TBC1D5: variants seen among roughly 807,000 people sequenced by gnomAD.
TBC1D5 encodes TBC1 domain family, member 5.
A neutral mutation model predicts 100.3 loss-of-function variants in TBC1D5; 75 were observed. The observed-to-expected ratio is 0.75, with a 90% CI of 0.62 to 0.91. The LOEUF is 0.91. Ranked by LOEUF, TBC1D5 falls within the 40% of genes least tolerant of loss-of-function variation. The probability of loss-of-function intolerance (pLI) is 0.00; values close to 1 mark genes in which losing one functional copy is unlikely to be tolerated. For missense variants in TBC1D5, 910 were observed against 942.4 expected, an observed-to-expected ratio of 0.97 and a Z score of 0.45; for synonymous variants, 323 against 325.6, an observed-to-expected ratio of 0.99 and a Z score of 0.09.
intron 3 of TBC1D5, among the ~76,000 whole-genome samples, chr3:17,483,730 G>A (rs1576285291): frequency 6.6e-6 from 1 of 152,090 alleles, no homozygotes; most frequent in Non-Finnish European, 1.5e-5. Context: ...ATTTTTGGGT[G>A]AAATTTAACA....
intron 1 of TBC1D5, among the ~76,000 whole-genome samples, chr3:17,681,216 G>A (rs571175305): frequency 1.3e-5 from 2 of 151,546 alleles, no homozygotes; most frequent in South Asian, 4.1e-4. Flanking sequence ...TTCCTTTTTT[G>A]TTAGGTATAA....
intron 2 of TBC1D5, among the ~76,000 whole-genome samples, chr3:17,514,989 G>A (rs1276584931): frequency 6.6e-6 from 1 of 150,924 alleles, no homozygotes; most frequent in Non-Finnish European, 1.5e-5. Flanking sequence ...ATTACCTCTA[G>A]CCATTAAATG....
intron 3 of TBC1D5, among the ~76,000 whole-genome samples, chr3:17,507,058 CAAAT>C (rs1390555277): frequency 7.2e-5 from 11 of 152,230 alleles, no homozygotes; most frequent in Non-Finnish European, 1.3e-4. Flanking sequence ...ACTATGTCCT[CAAAT>C]AACCATAGTA....
At chr3:17,550,304 T>C (rs1032985969) in intron 2 of TBC1D5, among the ~76,000 whole-genome samples, 3 of 152,174 alleles carry the variant, frequency 2.0e-5, no homozygotes, top group African/African-American at 7.2e-5. Flanking sequence ...AAGCGGGCCA[T>C]TTAAGAATAC....
intron 17 of TBC1D5, among the ~76,000 whole-genome samples, chr3:17,216,856 CTG>C (rs2073702146): frequency 6.6e-6 from 1 of 152,136 alleles, no homozygotes; most frequent in African/African-American, 2.4e-5. Flanking sequence ...AACAGATTAA[CTG>C]TGAAAACAAC....
At chr3:17,502,244 T>C (rs2095795785) in intron 3 of TBC1D5, among the ~76,000 whole-genome samples, 1 of 149,792 alleles carries the variant, frequency 6.7e-6, no homozygotes, top group Non-Finnish European at 1.5e-5. Context: ...TTATATGAAA[T>C]ATACAGAGTG....
chr3:17,360,676 C>A (rs2091622315), intron 13 of TBC1D5, among the ~76,000 whole-genome samples: 1 of 151,824 alleles, frequency 6.6e-6, no homozygotes, highest in East Asian at 1.9e-4. Context: ...GCATAGCAAT[C>A]TTTAATAAAC....
At chr3:17,565,707 T>C (rs1178546288) in intron 2 of TBC1D5, among the ~76,000 whole-genome samples, 1 of 152,080 alleles carries the variant, frequency 6.6e-6, no homozygotes, top group Non-Finnish European at 1.5e-5. Flanking sequence ...AGGATAACTT[T>C]TCGAATTAGA....
rs183835119 is a variant in TBC1D5 at position 17,579,372 on chromosome 3, C to T, written c.-36+44477G>A. Among the ~76,000 whole-genome samples, 210 of 152,146 alleles carry T rather than the reference C, an allele frequency of 1.4e-3. 1 individual carries two copies. The highest frequency in any genetic ancestry group is 4.7e-3 in the African/African-American group (194 of 41,528). ...TATTATGGGTTAATTTTCTATTTGT[C>T]TGATCGTATGTTCATATAATCCTCC... On this transcript the variant is annotated intron_variant, in intron 2 of 21. Coordinates refer to ENST00000253692, the Ensembl canonical transcript of TBC1D5.
intron 1 of TBC1D5, among the ~76,000 whole-genome samples, chr3:17,694,783 G>C (rs150522510): frequency 7.2e-5 from 11 of 152,178 alleles, no homozygotes; most frequent in Non-Finnish European, 1.6e-4. Flanking sequence ...GCAACCCCAA[G>C]ACACACAATT....
intron 1 of TBC1D5, among the ~76,000 whole-genome samples, chr3:17,639,962 T>C (rs2064334780): frequency 6.6e-6 from 1 of 152,172 alleles, no homozygotes; most frequent in East Asian, 1.9e-4. Flanking sequence ...GGAGAGGGAA[T>C]GCACATGAGA....
intron 13 of TBC1D5, among the ~76,000 whole-genome samples, chr3:17,329,229 T>C (rs1267501017): frequency 6.6e-6 from 1 of 152,218 alleles, no homozygotes; most frequent in African/African-American, 2.4e-5. Flanking sequence ...TTCAGAATTA[T>C]TGTTCTAAGT....
chr3:17,264,946 T>C (rs1274208603), intron 15 of TBC1D5, among the ~76,000 whole-genome samples: 1 of 152,246 alleles, frequency 6.6e-6, no homozygotes, highest in African/African-American at 2.4e-5. Context: ...TGATGTTTCA[T>C]ACTTCAAATA....
chr3:17,601,949 C>G (rs959910149), intron 2 of TBC1D5, among the ~76,000 whole-genome samples: 2 of 152,118 alleles, frequency 1.3e-5, no homozygotes, highest in African/African-American at 4.8e-5. Flanking sequence ...CCTGTCTCAG[C>G]CTCCTGAGTA....
chr3:17,662,926 G>C (rs145348105), intron 1 of TBC1D5: 1 of 152,164 alleles, frequency 6.6e-6, no homozygotes, highest in Non-Finnish European at 1.5e-5. Context: ...GAGTGTCCGT[G>C]GTTGTGATTT....
At chr3:17,422,640 TTTCA>T (rs1046884357) in intron 4 of TBC1D5, among the ~76,000 whole-genome samples, 234 of 152,334 alleles carry the variant, frequency 1.5e-3, no homozygotes, top group Non-Finnish European at 2.3e-3. Flanking sequence ...TAAATCACTG[TTTCA>T]TTGTTATTTC....
At chr3:17,658,613 C>A (rs182169858) in intron 1 of TBC1D5, among the ~76,000 whole-genome samples, 4 of 152,264 alleles carry the variant, frequency 2.6e-5, no homozygotes, top group Admixed American at 2.0e-4. Flanking sequence ...GAAAGTAAGA[C>A]CAGTAGGGTG....
intron 2 of TBC1D5, among the ~76,000 whole-genome samples, chr3:17,605,824 G>C (rs117572665): frequency 0.017 from 2,522 of 152,148 alleles, 51 homozygotes; most frequent in South Asian, 0.048. Context: ...ATGCAATACA[G>C]AAATTATATT....
chr3:17,412,462 G>GT (rs2093953788), intron 4 of TBC1D5, among the ~76,000 whole-genome samples: 1 of 152,068 alleles, frequency 6.6e-6, no homozygotes, highest in African/African-American at 2.4e-5. Context: ...CAAAATGAAG[G>GT]TTTTTTTACA....
Sources: gnomAD v4.1 joint callset for allele counts (sites outside exome capture counted in the v4.1 genomes callset) on GRCh38, gnomAD v4.1.1 for gene constraint, MANE v1.5 for transcripts, NCBI Gene and HGNC (gene_info 2026-07-23, HGNC 2026-07-21) for gene names.